The following LYPD6 variants were observed in gnomAD, a reference collection of about 807,000 sequenced individuals.
LYPD6 encodes the protein LY6/PLAUR domain containing 6, also known as ly6/PLAUR domain-containing protein 6.
In LYPD6, 15 loss-of-function variants were observed where a neutral mutation model predicts 22.7. That is an observed-to-expected ratio of 0.66 (90% CI 0.44 to 1.02). The LOEUF is 1.02. Among genes scored for constraint, LYPD6 ranks in the 50% least tolerant of loss-of-function variants. The pLI, the probability that LYPD6 is intolerant of heterozygous loss-of-function variation, is 0.00. For synonymous variants in LYPD6, 72 were observed against 77.5 expected, an observed-to-expected ratio of 0.93 and a Z score of 0.37; for missense variants, 189 against 208.4, an observed-to-expected ratio of 0.91 and a Z score of 0.57.
At chr2:149,468,517 C>T in intron 3 of LYPD6, 128 bp from the exon 4 acceptor site, 1 of 1,056,972 alleles carries the variant, frequency 9.5e-7, no homozygotes, top group Non-Finnish European at 1.4e-6. Flanking sequence ...GACATAAACT[C>T]AAAGCAGTGC....
chr2:149,475,959 C>T (rs1450340493), downstream of LYPD6, among the ~76,000 whole-genome samples: 3 of 152,142 alleles, frequency 2.0e-5, no homozygotes, highest in African/African-American at 7.2e-5. Context: ...TGGCCTCATC[C>T]TTCTCTGGCA....
intron 1 of LYPD6, among the ~76,000 whole-genome samples, chr2:149,381,031 T>C (rs1269785754): frequency 6.6e-6 from 1 of 152,148 alleles, no homozygotes; most frequent in Non-Finnish European, 1.5e-5. Flanking sequence ...GAGCAGTATA[T>C]TGAGCACCGT....
chr2:149,340,554 A>G (rs1437886348), intron 1 of LYPD6, among the ~76,000 whole-genome samples: 1 of 152,152 alleles, frequency 6.6e-6, no homozygotes, highest in African/African-American at 2.4e-5. Context: ...GACCTTGGGC[A>G]AGTTATTTAG....
chr2:149,469,011 T>A (rs1419776253), intron 4 of LYPD6, among the ~76,000 whole-genome samples: 1 of 152,186 alleles, frequency 6.6e-6, no homozygotes, highest in Admixed American at 6.5e-5. Flanking sequence ...GTGTTCAGTG[T>A]TATTGTAATA....
At chr2:149,381,295 T>G (rs886311013) in intron 1 of LYPD6, among the ~76,000 whole-genome samples, 19 of 152,212 alleles carry the variant, frequency 1.2e-4, no homozygotes, top group African/African-American at 4.6e-4. Context: ...GAAGGTTTAT[T>G]GCTGGTACTG....
rs766860037 is a variant in LYPD6, at chr2:149,468,725, G to A, written c.298G>A (p.Glu100Lys). The A allele has an allele frequency of 1.9e-6, 3 of 1,613,596 alleles. No homozygotes were observed. The African/African-American group carries it at 4.0e-5, about 22-fold the overall frequency. Residue 100 changes from glutamate to lysine, a missense_variant, in exon 4 of 5, where the codon GAA becomes AAA. Glu to Lys is a moderately conservative substitution (Grantham distance 56). Coordinates refer to ENST00000334166, the MANE Select transcript of LYPD6 (RefSeq NM_194317.5). ...ISVTKRCVPLEECLSTGCRDS... is the reference protein window; with the variant it reads ...ISVTKRCVPLKECLSTGCRDS... ...AGTCACCAAACGCTGTGTCCCACTG[G>A]AAGAGTGCTTATCCACTGGCTGCAG... is the stretch of plus-strand genomic sequence containing the variant.
Position 149,468,986 on chromosome 2 carries a change from A to T in LYPD6, c.348+211A>T, listed in dbSNP as rs73964449. Among the ~76,000 whole-genome samples the T allele has an allele frequency of 2.6e-5, 4 of 152,242 alleles. No homozygotes were observed. The East Asian group carries it at 7.7e-4, about 29-fold the overall frequency. On this transcript the variant is annotated intron_variant, in intron 4 of 4. Coordinates refer to ENST00000334166, the MANE Select transcript of LYPD6 (RefSeq NM_194317.5). ...AGGACAACTGATATAAATTGTGTAA[A>T]CACACATGAAGAGGGTGTTCAGTGT...
At chr2:149,343,370 A>G (rs537403277) in intron 1 of LYPD6, among the ~76,000 whole-genome samples, 7 of 152,324 alleles carry the variant, frequency 4.6e-5, no homozygotes, top group Non-Finnish European at 8.8e-5. Flanking sequence ...TTCCTGTCCT[A>G]TCAGAGAAAT....
At position 149,393,866 on chromosome 2, in the gene LYPD6, A is replaced by T. The variant is rs542029809; in HGVS notation, c.-71-43772A>T. ...TCCATTACCATCTATTAGCTTTGAA[A>T]CACTGACTGCCAAAAAGATAGGGCA... On this transcript the variant is annotated intron_variant, in intron 1 of 4. Transcript: ENST00000334166. Among the ~76,000 whole-genome samples, 5 of 152,250 alleles carry T rather than the reference A, an allele frequency of 3.3e-5. No individual in the cohort carries two copies. The East Asian group carries it at 5.8e-4, about 18-fold the overall frequency.
intron 1 of LYPD6, among the ~76,000 whole-genome samples, chr2:149,409,611 T>C (rs1386631680): frequency 6.6e-6 from 1 of 151,950 alleles, no homozygotes; most frequent in Non-Finnish European, 1.5e-5. Flanking sequence ...TCTCTTTGGG[T>C]GGGGCTTGTT....
chr2:149,391,831 GA>G (rs1682316822), intron 1 of LYPD6, among the ~76,000 whole-genome samples: 1 of 152,176 alleles, frequency 6.6e-6, no homozygotes, highest in East Asian at 1.9e-4. Context: ...TATTGGTGGG[GA>G]AATAGAAACT....
chr2:149,332,003 A>G (rs1243479018), intron 1 of LYPD6, among the ~76,000 whole-genome samples: 3 of 152,376 alleles, frequency 2.0e-5, no homozygotes, highest in African/African-American at 4.8e-5. Context: ...TTATTTCTCT[A>G]GAAGACATTA....
At chr2:149,435,506 C>G (rs920177261) in intron 1 of LYPD6, among the ~76,000 whole-genome samples, 3 of 152,148 alleles carry the variant, frequency 2.0e-5, no homozygotes, top group African/African-American at 7.2e-5. Context: ...GCAGACCTGT[C>G]CCAGAGGTGC....
At chr2:149,482,764 C>T in the LYPD6 span, among the ~76,000 whole-genome samples, 15,934 of 152,106 alleles carry the variant, frequency 0.1, 1,020 homozygotes, top group African/African-American at 0.17. Context: ...GGACATTCCC[C>T]CTCTCCTTTT....
chr2:149,369,645 T>C (rs1681761306), intron 1 of LYPD6, among the ~76,000 whole-genome samples: 1 of 151,970 alleles, frequency 6.6e-6, no homozygotes, highest in Non-Finnish European at 1.5e-5. Flanking sequence ...GCTGAAATGA[T>C]AGGAAGACAG....
At chr2:149,387,928 T>C (rs969042232) in intron 1 of LYPD6, among the ~76,000 whole-genome samples, 2 of 152,242 alleles carry the variant, frequency 1.3e-5, no homozygotes, top group South Asian at 2.1e-4. Context: ...GGTGTTATAC[T>C]AAGCAGTTTT....
At chr2:149,456,020 A>G (rs1558814184) in intron 3 of LYPD6, among the ~76,000 whole-genome samples, 1 of 152,174 alleles carries the variant, frequency 6.6e-6, no homozygotes, top group Admixed American at 6.5e-5. Context: ...TTTGTTTTTA[A>G]TTTCTGCCTT....
chr2:149,340,015 G>A lies in LYPD6; in HGVS notation c.-72+9293G>A, dbSNP rs147601963. ...TTCTCAGCCATAGATAAAGGAATTC[G>A]TAAACCCAGGATTGTCCTACTATTT... is the stretch of plus-strand genomic sequence containing the variant. On this transcript the variant is annotated intron_variant, in intron 1 of 4. Transcript: ENST00000334166. 5.1e-4 allele frequency among the ~76,000 whole-genome samples: 78 copies of A among 152,214 alleles called. 1 individual carries two copies. Among genetic ancestry groups the A allele is most frequent in the African/African-American group, 1.7e-3 (72 of 41,536 alleles).
At chr2:149,381,279 C>T (rs1682056581) in intron 1 of LYPD6, among the ~76,000 whole-genome samples, 1 of 152,058 alleles carries the variant, frequency 6.6e-6, no homozygotes, top group Non-Finnish European at 1.5e-5. Context: ...GGTGAAACAA[C>T]AGTATGAAGG....
Sources: gnomAD v4.1 joint callset for allele counts (sites outside exome capture counted in the v4.1 genomes callset) on GRCh38, gnomAD v4.1.1 for gene constraint, MANE v1.5 for transcripts, NCBI Gene and HGNC (gene_info 2026-07-23, HGNC 2026-07-21) for gene names.